Variants in CYP4A22 observed in about 807,000 individuals in gnomAD.
CYP4A22 encodes cytochrome P450 4A22.
CYP4A22 carries 46 observed loss-of-function variants against 56.2 expected under a neutral mutation model. The observed-to-expected ratio is 0.82, with a 90% CI of 0.65 to 1.05. The LOEUF (loss-of-function observed/expected upper bound fraction) is 1.05. Ranked by LOEUF, CYP4A22 falls within the 50% of genes least tolerant of loss-of-function variation. CYP4A22 has a pLI of 0.00. For synonymous variants in CYP4A22, 193 were observed against 251.1 expected (o/e 0.77, Z 2.19); for missense variants, 541 against 645.9 (o/e 0.84, Z 1.76).
At chr1:47,143,733 T>A in intron 5 of CYP4A22, 29 bp from the exon 6 acceptor site, 1 of 1,582,694 alleles carries the variant, frequency 6.3e-7, no homozygotes, top group Non-Finnish European at 8.6e-7. Context: ...CCACCCCTAC[T>A]GCGGTCTCTT....
chr1:47,140,040 GGC>G (rs1343183872), intron 1 of CYP4A22, among the ~76,000 whole-genome samples: 1 of 152,236 alleles, frequency 6.6e-6, no homozygotes, highest in African/African-American at 2.4e-5. Context: ...CAGGGCTGGA[GGC>G]AAGAAAAGAG....
Position 47,137,446 on chromosome 1 carries a change from G to A in CYP4A22, c.-40G>A, listed in dbSNP as rs772582468. On this transcript the variant is annotated 5_prime_UTR_variant, in exon 1 of 12. Transcript: ENST00000371891. The stretch of plus-strand genomic sequence containing the variant: ...GCACAGGTGGACAGGGGTGGTCAGA[G>A]AGAGGAAGGGGCACTCAGAGATCCA... 6.3e-7 allele frequency: 1 copy of A among 1,581,052 alleles called. No homozygotes were observed. Among genetic ancestry groups the A allele is most frequent in the Non-Finnish European group, 8.6e-7 (1 of 1,162,690 alleles).
chr1:47,144,152 C>A (rs1282887757), intron 6 of CYP4A22, among the ~76,000 whole-genome samples: 1 of 152,220 alleles, frequency 6.6e-6, no homozygotes, highest in Non-Finnish European at 1.5e-5. Flanking sequence ...AAACAGCATT[C>A]AAGAGGAGCC....
At chr1:47,141,648 C>G in intron 3 of CYP4A22, 33 bp downstream of exon 3, 1 of 1,607,512 alleles carries the variant, frequency 6.2e-7, no homozygotes, top group African/African-American at 1.3e-5. Context: ...CAGCCCACTC[C>G]CTAGTTAGGT....
At chr1:47,147,960 C>T (rs887834104) in intron 11 of CYP4A22, among the ~76,000 whole-genome samples, 4 of 152,140 alleles carry the variant, frequency 2.6e-5, no homozygotes, top group East Asian at 1.9e-4. Context: ...CAAGGATGGA[C>T]GTTTCTGGAG....
intron 4 of CYP4A22, 77 bp from the exon 5 acceptor site, chr1:47,143,192 G>A: frequency 6.5e-7 from 1 of 1,547,070 alleles, no homozygotes; most frequent in East Asian, 2.3e-5. Flanking sequence ...GATATCTGCA[G>A]GTACATGAAA....
Position 47,143,832 on chromosome 1 carries a change from T to G in CYP4A22, c.706T>G (p.Phe236Val), listed in dbSNP as rs183880611. 3.5e-5 allele frequency: 56 copies of G among 1,614,160 alleles called. 1 individual carries two copies. In the Admixed American group the frequency reaches 9.2e-4, roughly 26 times the overall value. The change falls in exon 6 of 12, where the codon TTT becomes GTT. Residue 236 changes from phenylalanine to valine, a missense_variant. By Grantham distance (50) the Phe-to-Val change is conservative (BLOSUM62 -1). This residue lies in a region of CYP4A22 where 335 missense variants were observed against 361.2 expected (regional missense o/e 0.93). Coordinates refer to ENST00000371891, the MANE Select transcript of CYP4A22 (RefSeq NM_001010969.4). ...SLVFCCMRNA[F>V]HENDTIYSLT... ...GGTTTTTTGCTGTATGAGGAATGCCTTTCATGAGAATGACACCATCTACAG... is the reference window on the plus strand; with the variant it reads ...GGTTTTTTGCTGTATGAGGAATGCCGTTCATGAGAATGACACCATCTACAG...
chr1:47,146,966 G>T lies in CYP4A22; in HGVS notation c.1364+813G>T, dbSNP rs185726175. ...TAACGCACAACATTTGAAGCCTCCTGGTATGTGAAATATAAAACACACTTG... is the reference window on the plus strand; with the variant it reads ...TAACGCACAACATTTGAAGCCTCCTTGTATGTGAAATATAAAACACACTTG... On this transcript the variant is annotated intron_variant, in intron 11 of 11. Coordinates refer to ENST00000371891, the MANE Select transcript of CYP4A22 (RefSeq NM_001010969.4). 2.7e-4 allele frequency: 262 copies of T among 985,356 alleles called. No homozygotes were observed. In the African/African-American group the frequency reaches 3.2e-3, roughly 12 times the overall value. The allele number at this position is 985,356 out of a possible 1,614,324, so 61.0% of individuals were successfully genotyped here.
In CYP4A22 at chr1:47,148,071, C is replaced by T. The variant is rs1299146048; in HGVS notation, c.1365-531C>T. On this transcript the variant is annotated intron_variant, in intron 11 of 11. Transcript: ENST00000371891. Reference sequence around the variant, plus strand: ...CAGGTGGGGCAACACTGAGGATCACCCACCCAGTTCTCCTCCAGGAAGCCT... The same window carrying T: ...CAGGTGGGGCAACACTGAGGATCACTCACCCAGTTCTCCTCCAGGAAGCCT... Among the ~76,000 whole-genome samples the T allele has an allele frequency of 5.9e-5, 9 of 152,152 alleles. No individual in the cohort carries two copies. In the East Asian group the frequency reaches 1.6e-3, roughly 26 times the overall value.
chr1:47,137,933 C>G (rs934183535), intron 1 of CYP4A22, among the ~76,000 whole-genome samples: 2 of 150,954 alleles, frequency 1.3e-5, no homozygotes, highest in African/African-American at 4.9e-5. Context: ...TCTTGGCAGT[C>G]CTGCACATGG....
At chr1:47,147,252 C>G in intron 11 of CYP4A22, 1 of 985,452 alleles carries the variant, frequency 1.0e-6, no homozygotes. Flanking sequence ...TAAACATTGC[C>G]TGCAAATCAT....
rs748338606 is a variant in CYP4A22 at position 47,148,773 on chromosome 1, T to C, written c.1536T>C (p.Pro512=). ...TGCGTCTCAGGAGGCTCCCTAACCC[T>C]TGTGAAGACAAGGACCAGCTTTGAG... ...IHLRLRRLPN[P]CEDKDQL is the part of the protein sequence containing the mutation. Residue 512 remains proline (P), a synonymous_variant, in exon 12 of 12, where the codon CCT becomes CCC. Transcript: ENST00000371891. 9.9e-6 allele frequency: 16 copies of C among 1,610,984 alleles called. No homozygotes were observed. In the Admixed American group the frequency reaches 2.5e-4, roughly 25 times the overall value.
rs745974402 is a variant in CYP4A22, at chr1:47,140,853, T to A, written c.269T>A (p.Ile90Lys). 1 of 1,614,152 alleles carries A rather than the reference T, an allele frequency of 6.2e-7. No individual in the cohort carries two copies. ...TTCCCAAGTGCCTGTCCTTATTGGA[T>A]ATGGGGAGGCAAAGTTCGTGTCCAG... Reference protein sequence around the residue: ...KTFPSACPYWIWGGKVRVQLY... With the variant: ...KTFPSACPYWKWGGKVRVQLY... Residue 90 changes from isoleucine to lysine, a missense_variant, in exon 2 of 12, where the codon ATA (isoleucine) becomes AAA (lysine). Ile to Lys is a moderately radical substitution (Grantham distance 102). Around this residue, in one of 3 missense-constraint regions of CYP4A22, gnomAD observed 335 missense variants for 361.2 expected, o/e 0.93. Transcript: ENST00000371891.
intron 5 of CYP4A22, 135 bp downstream of exon 5, chr1:47,143,528 C>T (rs1256287024): frequency 7.4e-6 from 11 of 1,493,712 alleles, no homozygotes; most frequent in Non-Finnish European, 8.9e-6. Context: ...ACTCTAATTC[C>T]TGTCCAGACC....
At chr1:47,145,024 G>T (rs148111097) in intron 9 of CYP4A22, 54 bp downstream of exon 9, 1 of 1,603,236 alleles carries the variant, frequency 6.2e-7, no homozygotes, top group South Asian at 1.1e-5. Flanking sequence ...CGTGTGGAGG[G>T]TGAGAAATCC....
intron 1 of CYP4A22, among the ~76,000 whole-genome samples, chr1:47,139,928 C>G (rs187813633): frequency 4.3e-4 from 66 of 152,298 alleles, no homozygotes; most frequent in African/African-American, 1.4e-3. Context: ...GAGCAAGTGC[C>G]AGGGCCCAGA....
chr1:47,143,977 ACTC>A, intron 6 of CYP4A22, 61 bp downstream of exon 6: 1 of 1,544,040 alleles, frequency 6.5e-7, no homozygotes, highest in Non-Finnish European at 8.7e-7. Context: ...ACCTGCCCTG[ACTC>A]CTCAGGCAGA....
Position 47,143,366 on chromosome 1 carries a change from G to T in CYP4A22, c.608G>T (p.Ser203Ile), listed in dbSNP as rs1272653870. ...TLDTIMKSAFSHQGSIQVDRN... is the reference protein window; with the variant it reads ...TLDTIMKSAFIHQGSIQVDRN... Reference sequence around the variant, plus strand: ...GACACCATCATGAAGAGTGCCTTCAGCCATCAGGGCAGCATCCAGGTGGAC... The same window carrying T: ...GACACCATCATGAAGAGTGCCTTCATCCATCAGGGCAGCATCCAGGTGGAC... The change falls in exon 5 of 12, where the codon AGC becomes ATC. Residue 203 changes from serine (S) to isoleucine (I), a missense_variant. Coordinates refer to ENST00000371891, the MANE Select transcript of CYP4A22 (RefSeq NM_001010969.4). 1 of 1,613,868 alleles carries T rather than the reference G, an allele frequency of 6.2e-7. No homozygotes were observed. The highest frequency in any genetic ancestry group is 1.1e-5 in the South Asian group (1 of 91,066).
intron 1 of CYP4A22, among the ~76,000 whole-genome samples, chr1:47,137,986 C>T (rs1644963311): frequency 6.6e-6 from 1 of 152,172 alleles, no homozygotes. Context: ...CCCCATAAGC[C>T]TTGGCTTTTC....
Sources: allele counts gnomAD v4.1 joint callset (sites outside exome capture counted in the v4.1 genomes callset), GRCh38; gene constraint gnomAD v4.1.1; regional missense constraint gnomAD v4.1.1; transcripts MANE v1.5; gene names NCBI Gene and HGNC (gene_info 2026-07-23, HGNC 2026-07-21).